The following LRRC7 variants were observed in gnomAD, a reference collection of about 807,000 sequenced individuals.
The protein encoded by LRRC7 is leucine rich repeat containing 7, also known as leucine-rich repeat-containing protein 7.
In LRRC7, 23 loss-of-function variants were observed where a neutral mutation model predicts 175.7. The observed-to-expected ratio is 0.13, with a 90% CI of 0.09 to 0.19. The LOEUF (loss-of-function observed/expected upper bound fraction) is 0.19. Among genes scored for constraint, LRRC7 ranks in the 10% least tolerant of loss-of-function variants. LRRC7 has a pLI of 1.00. For missense variants in LRRC7, 1,354 were observed against 1,904.7 expected, an observed-to-expected ratio of 0.71 and a Z score of 5.38; for synonymous variants, 685 against 680.9, an observed-to-expected ratio of 1.01 and a Z score of -0.09.
At chr1:69,877,672 C>T (rs1015622995) in intron 7 of LRRC7, among the ~76,000 whole-genome samples, 3 of 152,118 alleles carry the variant, frequency 2.0e-5, no homozygotes, top group African/African-American at 7.2e-5. Context: ...TTCTAATCTC[C>T]TTTCCTACCC....
At chr1:69,858,182 A>T (rs1003755539) in intron 7 of LRRC7, among the ~76,000 whole-genome samples, 7 of 152,210 alleles carry the variant, frequency 4.6e-5, no homozygotes, top group Non-Finnish European at 1.0e-4. Flanking sequence ...AGGCAATACT[A>T]TTCAGGACAT....
At chr1:69,699,938 A>G (rs779493967) in intron 2 of LRRC7, among the ~76,000 whole-genome samples, 1 of 152,182 alleles carries the variant, frequency 6.6e-6, no homozygotes, top group Admixed American at 6.5e-5. Context: ...GAGGGGTCCT[A>G]TGGAAGCCTT....
At chr1:69,883,332 T>C (rs1453564861) in intron 7 of LRRC7, among the ~76,000 whole-genome samples, 1 of 140,978 alleles carries the variant, frequency 7.1e-6, no homozygotes, top group Non-Finnish European at 1.5e-5. Context: ...GGTATCTCAT[T>C]GTGGTTTTGA....
chr1:69,699,731 C>G (rs1663099329), intron 2 of LRRC7, among the ~76,000 whole-genome samples: 1 of 151,620 alleles, frequency 6.6e-6, no homozygotes, highest in Non-Finnish European at 1.5e-5. Context: ...TGGCCCCACA[C>G]AAGTTATCTC....
Position 69,763,439 on chromosome 1 carries a change from G to A in LRRC7, c.303+3046G>A, listed in dbSNP as rs544036629. 3.9e-5 allele frequency among the ~76,000 whole-genome samples: 6 copies of A among 152,138 alleles called. No individual in the cohort carries two copies. The East Asian group carries it at 5.8e-4, about 15-fold the overall frequency. On this transcript the variant is annotated intron_variant, in intron 3 of 26. Transcript: ENST00000651989. ...TAATTTGTCTGCAGATCTCATTGGC[G>A]TTAATTGTGTCACATGTTTACTGCT...
At chr1:69,917,120 A>C (rs1205791789) in intron 7 of LRRC7, among the ~76,000 whole-genome samples, 1 of 152,222 alleles carries the variant, frequency 6.6e-6, no homozygotes, top group Non-Finnish European at 1.5e-5. Flanking sequence ...CATTTTTATT[A>C]GAACTTTCTC....
Position 69,871,997 on chromosome 1 carries a change from C to G in LRRC7, c.647+33714C>G, listed in dbSNP as rs529468196. 2.6e-5 allele frequency among the ~76,000 whole-genome samples: 4 copies of G among 152,070 alleles called. 1 individual carries two copies. The Middle Eastern group carries it at 0.014, about 521-fold the overall frequency. ...GAAAATATTTTAAGATTCATGTGCA[C>G]TAATTTCAGTTGTATGCAAAAATAC... On this transcript the variant is annotated intron_variant, in intron 7 of 26. Coordinates refer to ENST00000651989, the MANE Select transcript of LRRC7 (RefSeq NM_001370785.2).
intron 7 of LRRC7, among the ~76,000 whole-genome samples, chr1:69,893,005 A>G (rs1321770819): frequency 6.6e-6 from 1 of 152,194 alleles, no homozygotes; most frequent in Non-Finnish European, 1.5e-5. Flanking sequence ...CTTGTGAATG[A>G]CAGATATTCA....
intron 3 of LRRC7, among the ~76,000 whole-genome samples, chr1:69,773,760 C>T (rs1569705585): frequency 1.3e-5 from 2 of 152,178 alleles, no homozygotes; most frequent in East Asian, 3.9e-4. Context: ...AATAGCTTTT[C>T]TGTCCTCAAA....
chr1:69,816,948 C>A (rs1464550629), intron 4 of LRRC7, among the ~76,000 whole-genome samples: 2 of 152,070 alleles, frequency 1.3e-5, no homozygotes, highest in Non-Finnish European at 2.9e-5. Flanking sequence ...CCAGGCCCAT[C>A]CATGATGTTC....
At chr1:69,912,028 T>C (rs185127954) in intron 7 of LRRC7, among the ~76,000 whole-genome samples, 1 of 152,276 alleles carries the variant, frequency 6.6e-6, no homozygotes, top group Admixed American at 6.5e-5. Context: ...TTGTATTAGG[T>C]ATTTAAAGCA....
chr1:70,103,445 GA>G (rs1664936487), intron 25 of LRRC7, among the ~76,000 whole-genome samples: 2 of 152,138 alleles, frequency 1.3e-5, no homozygotes, highest in Admixed American at 1.3e-4. Context: ...AAAATGGTCA[GA>G]GAGGTTCACC....
chr1:69,721,725 G>C (rs557930341), intron 2 of LRRC7, among the ~76,000 whole-genome samples: 1 of 151,604 alleles, frequency 6.6e-6, no homozygotes, highest in Non-Finnish European at 1.5e-5. Flanking sequence ...TAAAATAATG[G>C]TATGTGAGCC....
At chr1:70,118,745 G>A (rs1459297895) in intron 26 of LRRC7, among the ~76,000 whole-genome samples, 1 of 152,142 alleles carries the variant, frequency 6.6e-6, no homozygotes, top group Non-Finnish European at 1.5e-5. Flanking sequence ...TAAAATGACA[G>A]GATTAGACTA....
At chr1:69,781,697 AAG>A (rs1491419524) in intron 3 of LRRC7, among the ~76,000 whole-genome samples, 1 of 22,422 alleles carries the variant, frequency 4.5e-5, no homozygotes, top group Non-Finnish European at 7.6e-5. Context: ...AGAAGAAAGA[AAG>A]AAAGAAAGAA....
chr1:69,781,812 AG>A lies in LRRC7; in HGVS notation c.304-10229del, dbSNP rs1673707194. Among the ~76,000 whole-genome samples, 7 of 96,786 alleles carry A rather than the reference AG, an allele frequency of 7.2e-5. 1 individual carries two copies. Among genetic ancestry groups the A allele is most frequent in the Non-Finnish European group, 1.5e-4 (7 of 48,032 alleles). 63.5% of individuals were successfully genotyped at this position (96,786 alleles called of 152,430 possible). On this transcript the variant is annotated intron_variant, in intron 3 of 26. Transcript: ENST00000651989. Reference sequence around the variant, plus strand: ...AAGGAAGGAAGGAAGGAAGGAAGGAAGGAAGGAAGGAAGGAAGGAAGGAAGG... The same window carrying A: ...AAGGAAGGAAGGAAGGAAGGAAGGAAGAAGGAAGGAAGGAAGGAAGGAAGG...
chr1:69,903,392 CT>C (rs1646194657), intron 7 of LRRC7, among the ~76,000 whole-genome samples: 1 of 152,172 alleles, frequency 6.6e-6, no homozygotes, highest in African/African-American at 2.4e-5. Context: ...ACTCCCTCCC[CT>C]AGCCAAGGGA....
At chr1:69,647,854 C>A (rs890103575) in intron 1 of LRRC7, among the ~76,000 whole-genome samples, 3 of 151,986 alleles carry the variant, frequency 2.0e-5, no homozygotes, top group African/African-American at 7.3e-5. Context: ...TGAGTGTATA[C>A]TTGCTATTTG....
chr1:69,834,699 T>G, intron 5 of LRRC7, 81 bp from the exon 6 acceptor site: 1 of 1,005,346 alleles, frequency 9.9e-7, no homozygotes, highest in Non-Finnish European at 1.5e-6. Flanking sequence ...TTCTATTTTT[T>G]CTCCTCAGAG....
Sources: gnomAD v4.1 joint callset for allele counts (sites outside exome capture counted in the v4.1 genomes callset) on GRCh38, gnomAD v4.1.1 for gene constraint, MANE v1.5 for transcripts, NCBI Gene and HGNC (gene_info 2026-07-23, HGNC 2026-07-21) for gene names.